MACROD2: variants seen among roughly 807,000 people sequenced by gnomAD.
MACROD2 encodes the protein mono-ADP ribosylhydrolase 2.
Under a neutral mutation model 70.4 loss-of-function variants are expected in MACROD2, and 36 were observed. The ratio of observed to expected loss-of-function variants is 0.51; its 90% CI spans 0.39 to 0.68. The LOEUF (loss-of-function observed/expected upper bound fraction) is 0.68, where lower values mean the gene tolerates loss of function less well. Ranked by LOEUF, MACROD2 falls within the 30% of genes least tolerant of loss-of-function variation. MACROD2 has a pLI of 0.00. For missense variants in MACROD2, 496 were observed against 538.4 expected (o/e 0.92, Z 0.78); for synonymous variants, 172 against 178.8 (o/e 0.96, Z 0.30).
chr20:14,283,958 G>A (rs6105239), intron 3 of MACROD2, among the ~76,000 whole-genome samples: 3,054 of 152,256 alleles, frequency 0.02, 95 homozygotes, highest in African/African-American at 0.071. Flanking sequence ...ATGCTTACAT[G>A]TTATTAAGCA....
At chr20:15,775,126 A>G (rs2051700110) in intron 8 of MACROD2, among the ~76,000 whole-genome samples, 1 of 152,128 alleles carries the variant, frequency 6.6e-6, no homozygotes, top group African/African-American at 2.4e-5. Flanking sequence ...TGAGCTAGTG[A>G]CTGAATATAC....
intron 3 of MACROD2, among the ~76,000 whole-genome samples, chr20:14,101,088 T>C (rs1347382409): frequency 1.3e-5 from 2 of 151,612 alleles, no homozygotes; most frequent in African/African-American, 2.4e-5. Context: ...TTGTCCACCT[T>C]ACTGAAGTTA....
intron 4 of MACROD2, among the ~76,000 whole-genome samples, chr20:14,505,544 C>T (rs2084959356): frequency 1.3e-5 from 2 of 152,276 alleles, no homozygotes. Context: ...GAGAAGAACT[C>T]TATTACAAGT....
chr20:15,232,859 A>C (rs1319949093), intron 6 of MACROD2, among the ~76,000 whole-genome samples: 1 of 152,108 alleles, frequency 6.6e-6, no homozygotes, highest in African/African-American at 2.4e-5. Flanking sequence ...ATATATTCTT[A>C]TTCTTATTTT....
chr20:14,188,036 A>G (rs537019090), intron 3 of MACROD2, among the ~76,000 whole-genome samples: 1 of 151,488 alleles, frequency 6.6e-6, no homozygotes, highest in Non-Finnish European at 1.5e-5. Context: ...AGTTCATCCT[A>G]TAGAATATGA....
intron 3 of MACROD2, among the ~76,000 whole-genome samples, chr20:14,404,601 A>AG (rs1386114406): frequency 1.2e-4 from 18 of 151,712 alleles, no homozygotes; most frequent in Non-Finnish European, 1.5e-4. Flanking sequence ...CCATCTCCAA[A>AG]AAAAAAATAA....
At position 15,270,642 on chromosome 20, in the gene MACROD2, C is replaced by G. The variant is rs534987077; in HGVS notation, c.540+40581C>G. ...TAAAATTAAAAAAATACCTTTTGGGCAAAAATATAAATTTTGGGAACGGTA... is the reference window on the plus strand; with the variant it reads ...TAAAATTAAAAAAATACCTTTTGGGGAAAAATATAAATTTTGGGAACGGTA... On this transcript the variant is annotated intron_variant, in intron 6 of 17. Coordinates refer to ENST00000684519, the MANE Select transcript of MACROD2 (RefSeq NM_001351661.2). 2.6e-5 allele frequency among the ~76,000 whole-genome samples: 4 copies of G among 152,214 alleles called. No homozygotes were observed. The East Asian group carries it at 7.7e-4, about 29-fold the overall frequency.
intron 5 of MACROD2, among the ~76,000 whole-genome samples, chr20:14,985,043 C>A (rs1186787658): frequency 6.6e-6 from 1 of 152,126 alleles, no homozygotes; most frequent in Non-Finnish European, 1.5e-5. Flanking sequence ...CATTCTGAGA[C>A]AAAGTTGGAG....
At chr20:14,551,039 T>A (rs1978618935) in intron 4 of MACROD2, among the ~76,000 whole-genome samples, 2 of 151,476 alleles carry the variant, frequency 1.3e-5, no homozygotes, top group Admixed American at 1.3e-4. Flanking sequence ...GAAATTATGA[T>A]TTTTTTTTCC....
chr20:14,011,248 C>T (rs972353724), intron 2 of MACROD2, among the ~76,000 whole-genome samples: 4 of 152,050 alleles, frequency 2.6e-5, no homozygotes, highest in South Asian at 2.1e-4. Context: ...AGGAGCACAG[C>T]GTCTCATTAT....
chr20:15,081,796 A>T (rs1021630234), intron 5 of MACROD2, among the ~76,000 whole-genome samples: 5 of 152,146 alleles, frequency 3.3e-5, no homozygotes, highest in African/African-American at 9.7e-5. Flanking sequence ...AGGAATTAAA[A>T]TTTTTTGTTA....
intron 3 of MACROD2, among the ~76,000 whole-genome samples, chr20:14,478,452 G>T (rs1189194860): frequency 6.6e-6 from 1 of 152,138 alleles, no homozygotes; most frequent in East Asian, 1.9e-4. Flanking sequence ...TTTCTCTCTG[G>T]CTGCTTTCAA....
rs149327825 is a variant in MACROD2 at position 14,509,237 on chromosome 20, G to A, written c.301+15729G>A. Reference sequence around the variant, plus strand: ...TTCCCCTTTTTTGATTTTCATTAATGTTGTTACTGCATTATTTATTCCATA... The same window carrying A: ...TTCCCCTTTTTTGATTTTCATTAATATTGTTACTGCATTATTTATTCCATA... On this transcript the variant is annotated intron_variant, in intron 4 of 17. Coordinates refer to ENST00000684519, the MANE Select transcript of MACROD2 (RefSeq NM_001351661.2). Among the ~76,000 whole-genome samples, 962 of 152,018 alleles carry A rather than the reference G, an allele frequency of 6.3e-3. 17 individuals carry two copies. Among genetic ancestry groups the A allele is most frequent in the African/African-American group, 0.021 (883 of 41,472 alleles).
intron 5 of MACROD2, among the ~76,000 whole-genome samples, chr20:14,948,679 A>G (rs2074452187): frequency 6.6e-6 from 1 of 152,150 alleles, no homozygotes. Flanking sequence ...AGCAGGGTAA[A>G]GAATTACAGA....
intron 4 of MACROD2, among the ~76,000 whole-genome samples, chr20:14,601,739 C>G (rs934989230): frequency 6.6e-6 from 1 of 152,090 alleles, no homozygotes; most frequent in African/African-American, 2.4e-5. Context: ...TCACTCCTTA[C>G]TTAGGTTCTT....
chr20:15,851,403 G>A (rs1280676477), intron 8 of MACROD2, among the ~76,000 whole-genome samples: 1 of 152,012 alleles, frequency 6.6e-6, no homozygotes, highest in Non-Finnish European at 1.5e-5. Context: ...ATATGAAGGT[G>A]TCAGCAGGGG....
chr20:14,822,655 G>A (rs1203478177), intron 5 of MACROD2, among the ~76,000 whole-genome samples: 1 of 152,094 alleles, frequency 6.6e-6, no homozygotes, highest in Non-Finnish European at 1.5e-5. Context: ...CTTTCACCAT[G>A]AAACTATCTG....
At chr20:14,083,864 A>T (rs1601201536) in intron 2 of MACROD2, among the ~76,000 whole-genome samples, 1 of 151,756 alleles carries the variant, frequency 6.6e-6, no homozygotes, top group South Asian at 2.1e-4. Flanking sequence ...GCAGATCTTG[A>T]GGTCAGGAGA....
At chr20:15,749,163 T>C (rs955312327) in intron 8 of MACROD2, among the ~76,000 whole-genome samples, 1 of 152,150 alleles carries the variant, frequency 6.6e-6, no homozygotes, top group African/African-American at 2.4e-5. Context: ...TTAAGGACAA[T>C]GGAATATCTT....
Sources: allele counts gnomAD v4.1 joint callset (sites outside exome capture counted in the v4.1 genomes callset), GRCh38; gene constraint gnomAD v4.1.1; transcripts MANE v1.5; gene names NCBI Gene and HGNC (gene_info 2026-07-23, HGNC 2026-07-21).